The following GSDMC variants were observed in gnomAD, a reference collection of about 807,000 sequenced individuals.
The protein encoded by GSDMC is gasdermin C.
In GSDMC, 59 loss-of-function variants were observed where a neutral mutation model predicts 58.0. That is an observed-to-expected ratio of 1.02 (90% confidence interval 0.82 to 1.26). GSDMC has a LOEUF of 1.26. Among genes scored for constraint, GSDMC ranks in the 50% most tolerant of loss-of-function variants. The probability of loss-of-function intolerance (pLI) is 0.00; values close to 1 mark genes in which losing one functional copy is unlikely to be tolerated. For synonymous variants in GSDMC, 241 were observed against 220.2 expected (o/e 1.09, Z -0.83); for missense variants, 659 against 598.5 (o/e 1.10, Z -1.06).
the GSDMC span, among the ~76,000 whole-genome samples, chr8:129,732,588 C>T: frequency 6.6e-6 from 1 of 152,098 alleles, no homozygotes. Context: ...AATGGAAACT[C>T]GGAAATGACA....
At chr8:129,745,320 C>T (rs1028453914), downstream of GSDMC, among the ~76,000 whole-genome samples, 1 of 152,304 alleles carries the variant, frequency 6.6e-6, no homozygotes, top group African/African-American at 2.4e-5. Context: ...TCTTCCTCAT[C>T]TTCTTTGATG....
At chr8:129,731,478 C>A in the GSDMC span, among the ~76,000 whole-genome samples, 1 of 152,222 alleles carries the variant, frequency 6.6e-6, no homozygotes, top group African/African-American at 2.4e-5. Flanking sequence ...TCCAGAGAAA[C>A]TACCTTAAAG....
intron 3 of GSDMC, among the ~76,000 whole-genome samples, chr8:129,774,528 C>CAAAAAA (rs34881340): frequency 8.4e-6 from 1 of 119,544 alleles, no homozygotes; most frequent in Admixed American, 8.4e-5. Flanking sequence ...GCAACAGCAG[C>CAAAAAA]AAAAAAAAAA....
chr8:129,763,965 T>C (rs953695088), intron 4 of GSDMC, among the ~76,000 whole-genome samples: 1 of 152,200 alleles, frequency 6.6e-6, no homozygotes, highest in Non-Finnish European at 1.5e-5. Flanking sequence ...GACCCTTCTA[T>C]TTAAGAAAAA....
the GSDMC span, chr8:129,728,916 T>G: frequency 1.5e-6 from 1 of 662,720 alleles, no homozygotes; most frequent in Non-Finnish European, 2.9e-6. Flanking sequence ...TGAAGCCCAT[T>G]TGAAGGTCAG....
intron 10 of GSDMC, 60 bp from the exon 11 acceptor site, chr8:129,750,630 T>C (rs2033152872): frequency 3.2e-6 from 5 of 1,544,390 alleles, no homozygotes; most frequent in Non-Finnish European, 4.4e-6. Flanking sequence ...TAGAACATCC[T>C]TGGAATGACA....
the GSDMC span, among the ~76,000 whole-genome samples, chr8:129,723,442 AT>A: frequency 1.3e-5 from 1 of 77,070 alleles, no homozygotes; most frequent in African/African-American, 5.1e-5. Context: ...TTTTTTTTGT[AT>A]TTTTAGTAGA....
the GSDMC span, among the ~76,000 whole-genome samples, chr8:129,733,994 G>T: frequency 1.3e-5 from 2 of 152,198 alleles, no homozygotes; most frequent in African/African-American, 4.8e-5. Flanking sequence ...ACCTGATGGA[G>T]CTGAAAACCA....
Position 129,748,409 on chromosome 8 carries a change from G to A in GSDMC, c.*92C>T. 1 of 1,292,828 alleles carries A rather than the reference G, an allele frequency of 7.7e-7. No individual in the cohort carries two copies. Among genetic ancestry groups the A allele is most frequent in the Admixed American group, 2.6e-5 (1 of 37,804 alleles). 80.1% of individuals were successfully genotyped at this position (1,292,828 alleles called of 1,614,324 possible). A position where few individuals can be genotyped will look rare whatever the true frequency, so the allele number is the denominator to read the frequency against. On this transcript the variant is annotated 3_prime_UTR_variant, in exon 14 of 14. Transcript: ENST00000276708. Reference sequence around the variant, plus strand: ...CTACTCCACCTGGAAACGCAGAGAGGCACAGCCCTATCTCTTGCACCCATA... The same window carrying A: ...CTACTCCACCTGGAAACGCAGAGAGACACAGCCCTATCTCTTGCACCCATA...
At chr8:129,778,764 GA>G (rs57864141) in intron 1 of GSDMC, among the ~76,000 whole-genome samples, 75,971 of 141,146 alleles carry the variant, frequency 0.54, 22,616 homozygotes, top group African/African-American at 0.82. Context: ...CAATTTACAA[GA>G]AAAAAAAAAA....
chr8:129,723,631 C>G, the GSDMC span, among the ~76,000 whole-genome samples: 1 of 152,086 alleles, frequency 6.6e-6, no homozygotes, highest in South Asian at 2.1e-4. Context: ...CAACTCTGCT[C>G]AAACACTCCT....
the GSDMC span, among the ~76,000 whole-genome samples, chr8:129,714,715 A>G: frequency 1.3e-5 from 2 of 151,852 alleles, no homozygotes; most frequent in African/African-American, 4.8e-5. Context: ...TTCTCAGATG[A>G]AAGATGGCTA....
intron 3 of GSDMC, among the ~76,000 whole-genome samples, chr8:129,774,547 G>C (rs1395081121): frequency 6.8e-6 from 1 of 147,500 alleles, no homozygotes; most frequent in African/African-American, 2.5e-5. Context: ...AAAAAGAAAA[G>C]AAAAGAAAAA....
chr8:129,775,175 A>G (rs1261828675), intron 3 of GSDMC, among the ~76,000 whole-genome samples: 1 of 152,232 alleles, frequency 6.6e-6, no homozygotes, highest in Admixed American at 6.5e-5. Flanking sequence ...AGTGCCTGTC[A>G]ACAGATGAAT....
At chr8:129,776,378 A>G in intron 2 of GSDMC, 93 bp from the exon 3 acceptor site, 1 of 950,658 alleles carries the variant, frequency 1.1e-6, no homozygotes, top group Non-Finnish European at 1.5e-6. Context: ...AAAATGAAAT[A>G]ACAAAGACCT....
At chr8:129,735,350 G>A in the GSDMC span, among the ~76,000 whole-genome samples, 1 of 152,020 alleles carries the variant, frequency 6.6e-6, no homozygotes, top group Non-Finnish European at 1.5e-5. Context: ...CAACAGAATA[G>A]ACATTCTTCT....
Position 129,765,749 on chromosome 8 carries a change from C to T in GSDMC, c.449G>A (p.Arg150Lys), listed in dbSNP as rs16904151. The T allele has an allele frequency of 4.6e-3, 7,399 of 1,613,830 alleles. 217 individuals are homozygous for T. The African/African-American group carries it at 0.073, about 16-fold the overall frequency. ...CACCACGTACAGGTTGTCCCCTCTC[C>T]TCCGGCACTCCTTCAGAAATGATGG... ...PEPSFLKECR[R>K]RGDNLYVVTE... is the part of the protein sequence containing the mutation. The change falls in exon 4 of 14, where the codon AGG becomes AAG. Residue 150 changes from arginine to lysine, a missense_variant. Coordinates refer to ENST00000276708, the MANE Select transcript of GSDMC (RefSeq NM_031415.3).
chr8:129,779,720 T>C (rs2034352740), intron 1 of GSDMC, among the ~76,000 whole-genome samples: 1 of 151,940 alleles, frequency 6.6e-6, no homozygotes, highest in South Asian at 2.1e-4. Flanking sequence ...TGTAATAAAA[T>C]GTAATTTTGA....
chr8:129,733,988 G>A, the GSDMC span, among the ~76,000 whole-genome samples: 1 of 152,168 alleles, frequency 6.6e-6, no homozygotes, highest in African/African-American at 2.4e-5. Flanking sequence ...TAAATGACCT[G>A]ATGGAGCTGA....
Sources: allele counts gnomAD v4.1 joint callset (sites outside exome capture counted in the v4.1 genomes callset), GRCh38; gene constraint gnomAD v4.1.1; transcripts MANE v1.5; gene names NCBI Gene and HGNC (gene_info 2026-07-23, HGNC 2026-07-21).